MYO9B: variants seen among roughly 807,000 people sequenced by gnomAD.
MYO9B encodes the protein unconventional myosin-IXb.
In MYO9B, 71 loss-of-function variants were observed where a neutral mutation model predicts 229.5. The observed-to-expected ratio is 0.31, with a 90% CI of 0.26 to 0.38. MYO9B has a LOEUF of 0.38. MYO9B is among the 10% of genes least tolerant of loss of function. The probability of loss-of-function intolerance (pLI) is 1.00; values close to 1 mark genes in which losing one functional copy is unlikely to be tolerated. For synonymous variants in MYO9B, 1,185 were observed against 1,235.8 expected (o/e 0.96, Z 0.86); for missense variants, 2,255 against 2,920.5 (o/e 0.77, Z 5.25).
chr19:17,151,630 G>C (rs1452256425), intron 3 of MYO9B, among the ~76,000 whole-genome samples: 1 of 152,172 alleles, frequency 6.6e-6, no homozygotes, highest in East Asian at 1.9e-4. Flanking sequence ...CCAAACCACA[G>C]TGACAGGCTA....
At chr19:17,110,960 C>A (rs2057842301) in intron 2 of MYO9B, among the ~76,000 whole-genome samples, 1 of 152,080 alleles carries the variant, frequency 6.6e-6, no homozygotes, top group Admixed American at 6.6e-5. Context: ...TCTCATGTTT[C>A]CCCCAACTCC....
chr19:17,116,364 G>A (rs142684339), intron 2 of MYO9B, among the ~76,000 whole-genome samples: 7 of 152,238 alleles, frequency 4.6e-5, no homozygotes, highest in East Asian at 1.9e-4. Flanking sequence ...GCCCAAGGCC[G>A]CAAACCCCCT....
intron 6 of MYO9B, 129 bp downstream of exon 6, chr19:17,154,544 C>T: frequency 1.6e-6 from 1 of 616,840 alleles, no homozygotes; most frequent in East Asian, 2.8e-5. Context: ...AACAGTGCCG[C>T]CATAGGGAGT....
intron 1 of MYO9B, among the ~76,000 whole-genome samples, chr19:17,081,229 T>G (rs1163028011): frequency 6.6e-6 from 1 of 152,154 alleles, no homozygotes; most frequent in Non-Finnish European, 1.5e-5. Context: ...GCTTTCATTG[T>G]GTTGACCAGG....
At chr19:17,090,776 G>A (rs1449780259) in intron 1 of MYO9B, among the ~76,000 whole-genome samples, 1 of 152,134 alleles carries the variant, frequency 6.6e-6, no homozygotes, top group Non-Finnish European at 1.5e-5. Context: ...AAGGAAACAC[G>A]TTTTCAGGAC....
chr19:17,100,986 G>A (rs1024668640), intron 1 of MYO9B, among the ~76,000 whole-genome samples: 4 of 150,630 alleles, frequency 2.7e-5, no homozygotes, highest in African/African-American at 4.9e-5. Flanking sequence ...GGAGCTGCTG[G>A]GGAGGTTTAT....
intron 16 of MYO9B, 114 bp downstream of exon 16, chr19:17,183,982 C>A (rs2072889746): frequency 2.9e-6 from 3 of 1,051,548 alleles, no homozygotes; most frequent in African/African-American, 3.2e-5. Flanking sequence ...ACTATCTCCC[C>A]CTCCCTCCAA....
At chr19:17,084,734 A>T (rs2057566622) in intron 1 of MYO9B, among the ~76,000 whole-genome samples, 1 of 151,600 alleles carries the variant, frequency 6.6e-6, no homozygotes, top group Non-Finnish European at 1.5e-5. Context: ...AGAAAAAAAG[A>T]AAAACACACA....
intron 2 of MYO9B, among the ~76,000 whole-genome samples, chr19:17,115,307 C>T (rs114093399): frequency 0.031 from 4,695 of 152,200 alleles, 158 homozygotes; most frequent in Middle Eastern, 0.092. Flanking sequence ...ACCATGAGTG[C>T]AGAGCCGAGT....
At chr19:17,150,157 T>C (rs1189725862) in intron 3 of MYO9B, among the ~76,000 whole-genome samples, 1 of 152,192 alleles carries the variant, frequency 6.6e-6, no homozygotes, top group Non-Finnish European at 1.5e-5. Flanking sequence ...ACGCCTGTAA[T>C]CCCAGCACTT....
chr19:17,095,541 T>A (rs1185518635), intron 1 of MYO9B: 2 of 152,216 alleles, frequency 1.3e-5, no homozygotes, highest in African/African-American at 4.8e-5. Context: ...GGTTCCTTCC[T>A]TTTTATGGCT....
intron 26 of MYO9B, among the ~76,000 whole-genome samples, chr19:17,201,125 C>T (rs1408814951): frequency 6.6e-6 from 1 of 152,172 alleles, no homozygotes; most frequent in Non-Finnish European, 1.5e-5. Flanking sequence ...AGTCCCAGCT[C>T]CTGGGGGCTG....
rs1488128752 is a variant in MYO9B, at chr19:17,195,304, G to C, written c.3877G>C (p.Gly1293Arg). The change falls in exon 22 of 40, where the codon GGC becomes CGC. Residue 1293 changes from glycine (G) to arginine (R), a missense_variant. Around this residue, in one of 7 missense-constraint regions of MYO9B, gnomAD observed 679 missense variants for 770.2 expected, o/e 0.88. Coordinates refer to ENST00000682292, the MANE Select transcript of MYO9B (RefSeq NM_004145.4). This position sits in a 1 kb window ranked among gnomAD's most constrained non-coding sequence, Gnocchi z 4.5. ...RVQEKPDSPG[G>R]STQIQRYLDA... is the part of the protein sequence containing the mutation. ...TCAGGAAAAGCCCGACAGCCCCGGA[G>C]GCTCCACGCAGATCCAGCGGTACCT... is the stretch of plus-strand genomic sequence containing the variant. 3 of 1,612,476 alleles carry C rather than the reference G, an allele frequency of 1.9e-6. No individual in the cohort carries two copies. The African/African-American group carries it at 4.0e-5, about 22-fold the overall frequency.
At chr19:17,088,005 C>T (rs556721804) in intron 1 of MYO9B, among the ~76,000 whole-genome samples, 6 of 151,770 alleles carry the variant, frequency 4.0e-5, no homozygotes, top group South Asian at 2.1e-4. Context: ...GAGGCTGAGG[C>T]GGGAGAATAG....
At chr19:17,099,422 T>G (rs1311798328) in intron 1 of MYO9B, 1 of 152,032 alleles carries the variant, frequency 6.6e-6, no homozygotes, top group Non-Finnish European at 1.5e-5. Context: ...GGGTACGATG[T>G]TCACTATTCA....
At chr19:17,112,136 C>A (rs541157049) in intron 2 of MYO9B, among the ~76,000 whole-genome samples, 3 of 152,140 alleles carry the variant, frequency 2.0e-5, no homozygotes, top group South Asian at 2.1e-4. Flanking sequence ...CAGTGTCCCC[C>A]ACAAGAACAA....
rs528770345 is a variant in MYO9B, at chr19:17,211,671, G to A, written c.5955G>A (p.Pro1985=). Residue 1985 remains proline (P), a synonymous_variant, in exon 39 of 40, where the codon CCG becomes CCA. Transcript: ENST00000682292. ...GGGAGGACATCACCTACCGGCTGCC[G>A]GAGCTGGACCCAAGGGGCTCGGACG... ...EEKEDITYRL[P]ELDPRGSDEE... 42 of 1,607,678 alleles carry A rather than the reference G, an allele frequency of 2.6e-5. No individual in the cohort carries two copies. The highest frequency in any genetic ancestry group is 1.7e-4 in the South Asian group (15 of 90,802).
Position 17,181,021 on chromosome 19 carries a change from A to G in MYO9B, c.2314A>G (p.Lys772Glu). The change falls in exon 15 of 40, where the codon AAA (lysine) becomes GAA (glutamate). Residue 772 changes from lysine to glutamate, a missense_variant. This residue lies in a region of MYO9B where 155 missense variants were observed against 159.1 expected (regional missense o/e 0.97). Coordinates refer to ENST00000682292, the MANE Select transcript of MYO9B (RefSeq NM_004145.4). ...SLLQSLSRLQ[K>E]PRAFILKSKG... ...TCTCCAGTCCCTCAGTCGGCTCCAG[A>G]AACCCCGCGCCTTCATCCTGTGAGT... The G allele has an allele frequency of 6.2e-7, 1 of 1,610,594 alleles. No individual in the cohort carries two copies. Among genetic ancestry groups the G allele is most frequent in the Non-Finnish European group, 8.5e-7 (1 of 1,178,390 alleles).
chr19:17,183,201 C>T (rs999930975), intron 15 of MYO9B, among the ~76,000 whole-genome samples: 1 of 152,204 alleles, frequency 6.6e-6, no homozygotes, highest in African/African-American at 2.4e-5. Flanking sequence ...GGATTACAGG[C>T]GTGAGCCACT....
Sources: gnomAD v4.1 joint callset for allele counts (sites outside exome capture counted in the v4.1 genomes callset) on GRCh38, gnomAD v4.1.1 for gene constraint, gnomAD v4.1.1 regional missense constraint, Gnocchi (gnomAD v3.1) non-coding constraint, MANE v1.5 for transcripts, NCBI Gene and HGNC (gene_info 2026-07-23, HGNC 2026-07-21) for gene names.